Variants in CSMD1 observed in about 807,000 individuals in gnomAD.
CSMD1 encodes the protein CUB and sushi domain-containing protein 1.
A neutral mutation model predicts 417.5 loss-of-function variants in CSMD1; 213 were observed. The ratio of observed to expected loss-of-function variants is 0.51; its 90% confidence interval spans 0.46 to 0.57. The LOEUF is 0.57. Ranked by LOEUF, CSMD1 falls within the 20% of genes least tolerant of loss-of-function variation. CSMD1 has a pLI of 0.00. For synonymous variants in CSMD1, 2,862 were observed against 1,736.8 expected, an observed-to-expected ratio of 1.65 and a Z score of -16.11; for missense variants, 6,923 against 4,529.7, an observed-to-expected ratio of 1.53 and a Z score of -15.17.
chr8:4,068,079 CAAAAAAGA>C (rs1217677753), intron 3 of CSMD1, among the ~76,000 whole-genome samples: 12 of 149,704 alleles, frequency 8.0e-5, no homozygotes, highest in Non-Finnish European at 1.3e-4. Context: ...GACAACGTCT[CAAAAAAGA>C]AAAAAAGAAA....
At chr8:3,205,370 CT>C (rs754055930) in intron 31 of CSMD1, 133 bp downstream of exon 31, 18 of 569,996 alleles carry the variant, frequency 3.2e-5, no homozygotes, top group Non-Finnish European at 5.3e-5. Context: ...GGAAGGCCTG[CT>C]ACTTAAATGC....
intron 1 of CSMD1, among the ~76,000 whole-genome samples, chr8:4,860,136 T>C (rs1802039391): frequency 6.6e-6 from 1 of 151,488 alleles, no homozygotes; most frequent in Non-Finnish European, 1.5e-5. Flanking sequence ...TTGGAAATCA[T>C]CATTCTCAGT....
chr8:4,396,139 C>G (rs901756417), intron 3 of CSMD1, among the ~76,000 whole-genome samples: 2 of 152,004 alleles, frequency 1.3e-5, no homozygotes, highest in African/African-American at 2.4e-5. Flanking sequence ...GGAATGTATG[C>G]TAAATATAGA....
chr8:4,664,964 G>T (rs554640819), intron 1 of CSMD1, among the ~76,000 whole-genome samples: 13 of 152,190 alleles, frequency 8.5e-5, no homozygotes, highest in Middle Eastern at 3.4e-3. Context: ...AAAAATTGTA[G>T]CATCTGAAAA....
rs560465147 is a variant in CSMD1, at chr8:4,656,401, G to C, written c.86-18843C>G. Among the ~76,000 whole-genome samples, 282 of 152,072 alleles carry C rather than the reference G, an allele frequency of 1.9e-3. 2 individuals are homozygous for C. Among genetic ancestry groups the C allele is most frequent in the African/African-American group, 6.6e-3 (274 of 41,400 alleles). ...CAGATTTTAATCTCAGTAAAGTGGG[G>C]ACACTTTGAAGGACTAATGTATCAT... is the stretch of plus-strand genomic sequence containing the variant. On this transcript the variant is annotated intron_variant, in intron 1 of 69. Transcript: ENST00000635120.
intron 23 of CSMD1, among the ~76,000 whole-genome samples, chr8:3,331,458 T>C (rs377153795): frequency 1.3e-5 from 2 of 152,150 alleles, no homozygotes; most frequent in Non-Finnish European, 2.9e-5. Flanking sequence ...AGTGGGAAGC[T>C]CTTGAGCTTT....
At chr8:3,785,522 G>A (rs568440296) in intron 5 of CSMD1, among the ~76,000 whole-genome samples, 3 of 152,332 alleles carry the variant, frequency 2.0e-5, no homozygotes, top group South Asian at 2.1e-4. Flanking sequence ...AAACACCTAG[G>A]TGTACTTCCA....
At chr8:2,982,673 C>A (rs1805525867) in intron 54 of CSMD1, among the ~76,000 whole-genome samples, 2 of 152,240 alleles carry the variant, frequency 1.3e-5, no homozygotes, top group African/African-American at 4.8e-5. Flanking sequence ...CTGCCCTGTC[C>A]TGCCATGTGC....
At chr8:3,610,089 C>G (rs1801816469) in intron 8 of CSMD1, among the ~76,000 whole-genome samples, 1 of 152,004 alleles carries the variant, frequency 6.6e-6, no homozygotes, top group African/African-American at 2.4e-5. Context: ...TTTAAAACAT[C>G]AACATTTGTA....
At chr8:3,950,234 G>C (rs75478922) in intron 5 of CSMD1, among the ~76,000 whole-genome samples, 213 of 152,286 alleles carry the variant, frequency 1.4e-3, no homozygotes, top group Middle Eastern at 3.4e-3. Context: ...TGCAGTGGAA[G>C]AATTATGATG....
chr8:4,374,081 A>G (rs983152046), intron 3 of CSMD1, among the ~76,000 whole-genome samples: 3 of 152,186 alleles, frequency 2.0e-5, no homozygotes, highest in East Asian at 1.9e-4. Context: ...AATGAAGTGT[A>G]TCATATGTGA....
intron 42 of CSMD1, among the ~76,000 whole-genome samples, chr8:3,118,038 T>C (rs1040621489): frequency 6.6e-6 from 1 of 152,224 alleles, no homozygotes; most frequent in Non-Finnish European, 1.5e-5. Context: ...TTTTTCCCTC[T>C]GGTCCTACAA....
chr8:3,767,488 T>G (rs1198568276), intron 5 of CSMD1, among the ~76,000 whole-genome samples: 1 of 152,212 alleles, frequency 6.6e-6, no homozygotes, highest in South Asian at 2.1e-4. Flanking sequence ...CATCTTTTTC[T>G]ACTTCCCCCA....
Position 3,343,390 on chromosome 8 carries a change from G to T in CSMD1, c.3535C>A (p.Leu1179Met), listed in dbSNP as rs372151098. The change falls in exon 23 of 70, where the codon CTG becomes ATG. Residue 1179 changes from leucine (L) to methionine (M), a missense_variant. Transcript: ENST00000635120. ...PLGTFTKNEL[L>M]GLILNSTSNH... ...GATGTGCTGTTTAGGATCAGCCCCAGAAGTTCATTTTTAGTGAACGTGCCC... is the reference window on the plus strand; with the variant it reads ...GATGTGCTGTTTAGGATCAGCCCCATAAGTTCATTTTTAGTGAACGTGCCC... The T allele has an allele frequency of 1.9e-6, 3 of 1,613,684 alleles. No individual in the cohort carries two copies. Among genetic ancestry groups the T allele is most frequent in the Non-Finnish European group, 2.5e-6 (3 of 1,179,756 alleles).
At chr8:4,983,255 C>T (rs1166777069) in intron 1 of CSMD1, among the ~76,000 whole-genome samples, 1 of 152,150 alleles carries the variant, frequency 6.6e-6, no homozygotes, top group Non-Finnish European at 1.5e-5. Flanking sequence ...AAATCTTTAC[C>T]AACACCTTCC....
At chr8:4,811,933 G>C (rs954884563) in intron 1 of CSMD1, among the ~76,000 whole-genome samples, 1 of 152,086 alleles carries the variant, frequency 6.6e-6, no homozygotes, top group Non-Finnish European at 1.5e-5. Context: ...TTTTCTGATA[G>C]GCGCATTAGA....
At chr8:3,638,427 G>A (rs559023544) in intron 7 of CSMD1, among the ~76,000 whole-genome samples, 27 of 151,092 alleles carry the variant, frequency 1.8e-4, no homozygotes, top group Middle Eastern at 3.4e-3. Flanking sequence ...TTTGCCCACC[G>A]CAACTGCACC....
chr8:3,869,487 C>G (rs1291006654), intron 5 of CSMD1, among the ~76,000 whole-genome samples: 1 of 152,148 alleles, frequency 6.6e-6, no homozygotes, highest in Non-Finnish European at 1.5e-5. Context: ...CCCTAAATGG[C>G]TAGTGAGGCT....
At chr8:4,955,391 G>C (rs1306730376) in intron 1 of CSMD1, among the ~76,000 whole-genome samples, 2 of 151,588 alleles carry the variant, frequency 1.3e-5, no homozygotes, top group East Asian at 3.9e-4. Flanking sequence ...TTCATGTGTT[G>C]AGATTATTGA....
Sources: gnomAD v4.1 joint callset for allele counts (sites outside exome capture counted in the v4.1 genomes callset) on GRCh38, gnomAD v4.1.1 for gene constraint, MANE v1.5 for transcripts, NCBI Gene and HGNC (gene_info 2026-07-23, HGNC 2026-07-21) for gene names.